The following CELF2 variants were observed in gnomAD, a reference collection of about 807,000 sequenced individuals.
CELF2 encodes the protein CUGBP Elav-like family member 2.
Under a neutral mutation model 62.6 loss-of-function variants are expected in CELF2, and 8 were observed. The ratio of observed to expected loss-of-function variants is 0.13; its 90% CI spans 0.07 to 0.23. The LOEUF is 0.23. CELF2 is among the 10% of genes least tolerant of loss of function. The pLI is 1.00. For missense variants in CELF2, 333 were observed against 671.0 expected (o/e 0.50, Z 5.56); for synonymous variants, 258 against 250.0 (o/e 1.03, Z -0.30).
intron 2 of CELF2, among the ~76,000 whole-genome samples, chr10:10,962,214 C>T (rs11256935): frequency 0.13 from 19,336 of 152,156 alleles, 1,316 homozygotes; most frequent in Middle Eastern, 0.25. Context: ...ATTTCTAACC[C>T]GCAGGTGCCA....
the CELF2 span, chr10:10,792,670 T>C: frequency 2.6e-6 from 1 of 386,504 alleles, no homozygotes; most frequent in Non-Finnish European, 4.6e-6. Flanking sequence ...ATTTTTCCTT[T>C]GGGTATTCCT....
chr10:10,958,820 G>A (rs1395501415), intron 2 of CELF2, among the ~76,000 whole-genome samples: 2 of 151,906 alleles, frequency 1.3e-5, no homozygotes. Flanking sequence ...ATCCAGCCTC[G>A]GTAACACAGC....
chr10:11,249,022 A>G, intron 3 of CELF2, 131 bp from the exon 4 acceptor site: 2 of 692,524 alleles, frequency 2.9e-6, no homozygotes, highest in Non-Finnish European at 5.1e-6. Context: ...CATAGTTAAT[A>G]GTACCTGGAG....
At chr10:11,273,659 C>T (rs2084746955) in intron 7 of CELF2, among the ~76,000 whole-genome samples, 1 of 152,112 alleles carries the variant, frequency 6.6e-6, no homozygotes. Context: ...TGGACTTCCC[C>T]AGAGGAACGG....
chr10:11,079,035 G>T (rs974124945), intron 1 of CELF2, among the ~76,000 whole-genome samples: 2 of 152,092 alleles, frequency 1.3e-5, no homozygotes, highest in Non-Finnish European at 2.9e-5. Context: ...GTGTGACGGG[G>T]TGCATCTCCT....
intron 4 of CELF2, 33 bp from the exon 5 acceptor site, chr10:11,257,705 G>T: frequency 6.2e-7 from 1 of 1,607,392 alleles, no homozygotes; most frequent in Non-Finnish European, 8.5e-7. Context: ...AAGATGAAAT[G>T]GCCTTTGCTC....
Position 11,117,732 on chromosome 10 carries a change from G to T in CELF2, c.75-47754G>T, listed in dbSNP as rs540310531. Among the ~76,000 whole-genome samples the T allele has an allele frequency of 6.6e-6, 1 of 152,248 alleles. No individual in the cohort carries two copies. The highest frequency in any genetic ancestry group is 2.1e-4 in the South Asian group (1 of 4,830). On this transcript the variant is annotated intron_variant, in intron 1 of 12. Transcript: ENST00000633077. The surrounding 1 kb of genome is among the most constrained non-coding windows in gnomAD (Gnocchi z 4.1). ...TTAAAATGTGTGACTCTCCAGAGAG[G>T]GTACCCTTGAGTGGCTCTTCCACTG...
chr10:11,276,056 G>A (rs1371476052), intron 8 of CELF2, among the ~76,000 whole-genome samples: 1 of 152,226 alleles, frequency 6.6e-6, no homozygotes, highest in Non-Finnish European at 1.5e-5. Flanking sequence ...TGTGCAGAAT[G>A]AAGCGTTTTT....
At chr10:11,182,384 G>A (rs188786066) in intron 2 of CELF2, among the ~76,000 whole-genome samples, 6 of 152,190 alleles carry the variant, frequency 3.9e-5, no homozygotes, top group Non-Finnish European at 5.9e-5. Flanking sequence ...CAAGACATAC[G>A]ACCCTTTTAT....
At chr10:10,547,669 A>AAGTT in the CELF2 span, among the ~76,000 whole-genome samples, 1 of 99,840 alleles carries the variant, frequency 1.0e-5, no homozygotes, top group East Asian at 4.9e-4. Flanking sequence ...CAACACCAAA[A>AAGTT]AGATAGAGAG....
At chr10:10,516,980 C>G in the CELF2 span, among the ~76,000 whole-genome samples, 3 of 152,086 alleles carry the variant, frequency 2.0e-5, no homozygotes, top group Non-Finnish European at 4.4e-5. Context: ...TTGAGAGAAC[C>G]GTAGGATCCC....
chr10:11,247,176 TG>T lies in CELF2; in HGVS notation c.355-1976del. ...AATGGCTTTTCTAGAATTTCGATCT[TG>T]TTTCCTTTGTTACTTCTTCTGTACC... On this transcript the variant is annotated intron_variant, in intron 3 of 12. Transcript: ENST00000633077. The surrounding 1 kb of genome is among the most constrained non-coding windows in gnomAD (Gnocchi z 5.4). Among the ~76,000 whole-genome samples the T allele has an allele frequency of 6.6e-6, 1 of 152,356 alleles. No homozygotes were observed. Among genetic ancestry groups the T allele is most frequent in the Non-Finnish European group, 1.5e-5 (1 of 68,028 alleles).
chr10:11,019,227 G>C (rs2057892995), intron 1 of CELF2, among the ~76,000 whole-genome samples: 1 of 152,186 alleles, frequency 6.6e-6, no homozygotes, highest in African/African-American at 2.4e-5. Context: ...TTGCCAGAGT[G>C]GGAACAAAAG....
the CELF2 span, among the ~76,000 whole-genome samples, chr10:10,532,927 C>T: frequency 6.7e-6 from 1 of 150,140 alleles, no homozygotes; most frequent in Admixed American, 6.6e-5. Flanking sequence ...CTCAAGAAGA[C>T]ATCTTGCAAA....
chr10:11,321,275 G>A lies in CELF2; in HGVS notation c.1183G>A (p.Ala395Thr). The change falls in exon 11 of 13, where the codon GCC (alanine) becomes ACC (threonine). Residue 395 changes from alanine (A) to threonine (T), a missense_variant. Ala to Thr is a moderately conservative substitution (Grantham distance 58). Around this residue, in one of 3 missense-constraint regions of CELF2, gnomAD observed 253 missense variants for 503.0 expected, o/e 0.50. Coordinates refer to ENST00000633077, the MANE Select transcript of CELF2 (RefSeq NM_001326342.2). The surrounding 1 kb of genome is among the most constrained non-coding windows in gnomAD (Gnocchi z 6.2). ...LTNGTAGTMD[A>T]LTQAYSGIQQ... Reference sequence around the variant, plus strand: ...GAATGGCACGGCTGGCACCATGGACGCCCTCACCCAGGCCTACTCAGGAAT... The same window carrying A: ...GAATGGCACGGCTGGCACCATGGACACCCTCACCCAGGCCTACTCAGGAAT... The A allele has an allele frequency of 6.2e-7, 1 of 1,613,928 alleles. No homozygotes were observed. The highest frequency in any genetic ancestry group is 8.5e-7 in the Non-Finnish European group (1 of 1,180,002).
At chr10:10,942,330 G>T (rs369947542) in intron 2 of CELF2, among the ~76,000 whole-genome samples, 1 of 152,200 alleles carries the variant, frequency 6.6e-6, no homozygotes, top group Non-Finnish European at 1.5e-5. Context: ...CAAAGCTGCA[G>T]TCAAGGGGGC....
At chr10:10,657,249 G>T in the CELF2 span, among the ~76,000 whole-genome samples, 1 of 152,182 alleles carries the variant, frequency 6.6e-6, no homozygotes, top group Non-Finnish European at 1.5e-5. Context: ...GGTAGCTTAT[G>T]ATTTGCTGGA....
intron 1 of CELF2, among the ~76,000 whole-genome samples, chr10:11,086,683 A>C (rs1462283380): frequency 6.6e-6 from 1 of 151,132 alleles, no homozygotes; most frequent in East Asian, 2.0e-4. Flanking sequence ...GCATTCAGCA[A>C]GTGCCACAGG....
rs1428437683 is a variant in CELF2, at chr10:11,330,371, T to A, written c.*1318T>A. The A allele has an allele frequency of 6.6e-6, 1 of 152,624 alleles. No homozygotes were observed. Among genetic ancestry groups the A allele is most frequent in the Non-Finnish European group, 1.5e-5 (1 of 68,036 alleles). The allele number at this position is 152,624 out of a possible 1,614,324, so 9.5% of individuals were successfully genotyped here. On this transcript the variant is annotated 3_prime_UTR_variant, in exon 13 of 13. Coordinates refer to ENST00000633077, the MANE Select transcript of CELF2 (RefSeq NM_001326342.2). This position sits in a 1 kb window ranked among gnomAD's most constrained non-coding sequence, Gnocchi z 4.5. ...CCTAATGACCTAAGATTTGCATTAG[T>A]TTTTCTCCTGCACCCTTAAAAGTGA...
Sources: gnomAD v4.1 joint callset for allele counts (sites outside exome capture counted in the v4.1 genomes callset) on GRCh38, gnomAD v4.1.1 for gene constraint, gnomAD v4.1.1 regional missense constraint, Gnocchi (gnomAD v3.1) non-coding constraint, MANE v1.5 for transcripts, NCBI Gene and HGNC (gene_info 2026-07-23, HGNC 2026-07-21) for gene names.